The following RFX7 variants were observed in gnomAD, a reference collection of about 807,000 sequenced individuals.
RFX7 encodes regulatory factor X7.
RFX7 carries 26 observed loss-of-function variants against 111.8 expected under a neutral mutation model. The observed-to-expected ratio is 0.23, with a 90% confidence interval of 0.17 to 0.32. The LOEUF is 0.32. Ranked by LOEUF, RFX7 falls within the 10% of genes least tolerant of loss-of-function variation. The pLI, the probability that RFX7 is intolerant of heterozygous loss-of-function variation, is 1.00. For missense variants in RFX7, 1,573 were observed against 1,772.9 expected (o/e 0.89, Z 2.02); for synonymous variants, 624 against 624.4 (o/e 1.00, Z 0.01).
chr15:56,109,406 C>T (rs2041878250), intron 5 of RFX7, among the ~76,000 whole-genome samples: 1 of 152,074 alleles, frequency 6.6e-6, no homozygotes, highest in Admixed American at 6.5e-5. Context: ...CAACATCCAC[C>T]TCCCAGCAGC....
At chr15:56,144,366 C>T in intron 4 of RFX7, 35 bp downstream of exon 4, 2 of 1,192,808 alleles carry the variant, frequency 1.7e-6, no homozygotes, top group Admixed American at 2.0e-5. Context: ...ATCCTATAAA[C>T]AGCATAATTA....
chr15:56,172,635 T>C (rs2042857657), intron 3 of RFX7, among the ~76,000 whole-genome samples: 1 of 152,136 alleles, frequency 6.6e-6, no homozygotes, highest in South Asian at 2.1e-4. Context: ...ACAAGAAATG[T>C]ATTAATTTGG....
Sources: gnomAD v4.1 joint callset for allele counts (sites outside exome capture counted in the v4.1 genomes callset) on GRCh38, gnomAD v4.1.1 for gene constraint, MANE v1.5 for transcripts, NCBI Gene and HGNC (gene_info 2026-07-23, HGNC 2026-07-21) for gene names.